The following GALNT10 variants were observed in gnomAD, a reference collection of about 807,000 sequenced individuals.
GALNT10 encodes polypeptide N-acetylgalactosaminyltransferase 10, also known as GalNAc transferase 10.
GALNT10 carries 41 observed loss-of-function variants against 75.0 expected under a neutral mutation model. The observed-to-expected ratio is 0.55, with a 90% CI of 0.43 to 0.71. The LOEUF is 0.71. GALNT10 is among the 30% of genes least tolerant of loss of function. The probability of loss-of-function intolerance (pLI) is 0.00; values close to 1 mark genes in which losing one functional copy is unlikely to be tolerated. For missense variants in GALNT10, 727 were observed against 818.5 expected, an observed-to-expected ratio of 0.89 and a Z score of 1.36; for synonymous variants, 302 against 313.0, an observed-to-expected ratio of 0.96 and a Z score of 0.37.
rs114482232 is a variant in GALNT10 at position 154,402,574 on chromosome 5, C to T, written c.1057-1530C>T. 3.4e-3 allele frequency among the ~76,000 whole-genome samples: 516 copies of T among 152,350 alleles called. 3 individuals are homozygous for T. Among genetic ancestry groups the T allele is most frequent in the African/African-American group, 0.012 (482 of 41,584 alleles). ...ACACAATACACAGTTATGATGGCAG[C>T]GCTTCCCTAGGCCAGGGATTTGGGA... On this transcript the variant is annotated intron_variant, in intron 7 of 11. Coordinates refer to ENST00000297107, the MANE Select transcript of GALNT10 (RefSeq NM_198321.4). The surrounding 1 kb of genome is among the most constrained non-coding windows in gnomAD (Gnocchi z 4.2).
At chr5:154,287,846 C>T (rs1240191055) in intron 1 of GALNT10, among the ~76,000 whole-genome samples, 1 of 151,572 alleles carries the variant, frequency 6.6e-6, no homozygotes, top group African/African-American at 2.4e-5. Flanking sequence ...TAAATTAAGC[C>T]CTACCTGGTC....
intron 2 of GALNT10, among the ~76,000 whole-genome samples, chr5:154,297,631 G>A (rs948259089): frequency 1.2e-4 from 18 of 152,180 alleles, no homozygotes; most frequent in Admixed American, 9.2e-4. Context: ...AGTGAGGGGA[G>A]CATGGGTTTT....
intron 3 of GALNT10, among the ~76,000 whole-genome samples, chr5:154,316,257 C>T (rs886810885): frequency 3.9e-5 from 6 of 152,226 alleles, no homozygotes; most frequent in Non-Finnish European, 7.3e-5. Context: ...TTGTTATTTA[C>T]ATCCAGGGTC....
intron 1 of GALNT10, among the ~76,000 whole-genome samples, chr5:154,293,752 T>C (rs917613003): frequency 6.6e-6 from 1 of 151,954 alleles, no homozygotes; most frequent in African/African-American, 2.4e-5. Flanking sequence ...CTTGCGGCAC[T>C]CCTTCTCCTT....
chr5:154,317,371 C>T (rs1404993862), intron 3 of GALNT10, among the ~76,000 whole-genome samples: 1 of 152,046 alleles, frequency 6.6e-6, no homozygotes, highest in Non-Finnish European at 1.5e-5. Context: ...TTCTAGTGCT[C>T]CAGCATTAAG....
intron 4 of GALNT10, among the ~76,000 whole-genome samples, chr5:154,332,295 T>C (rs562858048): frequency 6.6e-6 from 1 of 152,292 alleles, no homozygotes; most frequent in South Asian, 2.1e-4. Context: ...CTTGTTGTAC[T>C]CCTTCTCAGG....
Position 154,245,843 on chromosome 5 carries a change from A to G in GALNT10, c.160-48973A>G, listed in dbSNP as rs1330757654. 2.0e-5 allele frequency among the ~76,000 whole-genome samples: 3 copies of G among 149,450 alleles called. No homozygotes were observed. The East Asian group carries it at 5.9e-4, about 29-fold the overall frequency. On this transcript the variant is annotated intron_variant, in intron 1 of 11. Transcript: ENST00000297107. ...TTTTTTTTACTTTAAGTTTTAGGGT[A>G]CATGTGCACAACGTGCAGGTTTGTT...
At chr5:154,356,365 G>A (rs1005239034) in intron 4 of GALNT10, 7 of 362,916 alleles carry the variant, frequency 1.9e-5, no homozygotes, top group African/African-American at 1.5e-4. Context: ...AGGGTACTGT[G>A]AGGGCTGGGG....
intron 1 of GALNT10, among the ~76,000 whole-genome samples, chr5:154,293,077 G>A (rs996119659): frequency 6.6e-6 from 1 of 152,156 alleles, no homozygotes; most frequent in African/African-American, 2.4e-5. Flanking sequence ...ACAAAGGATT[G>A]TTATTATTAC....
At chr5:154,321,215 C>A (rs776585050) in intron 3 of GALNT10, among the ~76,000 whole-genome samples, 12 of 152,152 alleles carry the variant, frequency 7.9e-5, no homozygotes, top group Non-Finnish European at 1.5e-4. Flanking sequence ...TGACTCCTGC[C>A]CATTTTGACA....
Position 154,317,999 on chromosome 5 carries a change from T to C in GALNT10, c.402-11573T>C, listed in dbSNP as rs548844583. On this transcript the variant is annotated intron_variant, in intron 3 of 11. Transcript: ENST00000297107. ...ATCTCAACAGAAAAGAACTTGCGTC[T>C]TTCCCAGTTGTCTCAGCAAAGACTT... is the stretch of plus-strand genomic sequence containing the variant. 2.6e-5 allele frequency among the ~76,000 whole-genome samples: 4 copies of C among 152,362 alleles called. No homozygotes were observed. In the East Asian group the frequency reaches 5.8e-4, roughly 22 times the overall value.
intron 1 of GALNT10, among the ~76,000 whole-genome samples, chr5:154,266,571 A>AT (rs1358965871): frequency 1.1e-5 from 1 of 87,916 alleles, no homozygotes; most frequent in Non-Finnish European, 2.5e-5. Flanking sequence ...AAAGACTATC[A>AT]TTAAAAAAAA....
intron 1 of GALNT10, among the ~76,000 whole-genome samples, chr5:154,260,064 A>G (rs1753680017): frequency 6.6e-6 from 1 of 152,208 alleles, no homozygotes; most frequent in South Asian, 2.1e-4. Context: ...TTTGGAGGGA[A>G]ATACACTTGT....
chr5:154,216,474 A>G (rs1037660492), intron 1 of GALNT10, among the ~76,000 whole-genome samples: 2 of 152,200 alleles, frequency 1.3e-5, no homozygotes, highest in Non-Finnish European at 2.9e-5. Context: ...CAAACAGAAA[A>G]CTATACTTTG....
chr5:154,365,253 C>G (rs1001170374), intron 4 of GALNT10, among the ~76,000 whole-genome samples: 13 of 152,274 alleles, frequency 8.5e-5, no homozygotes, highest in Middle Eastern at 3.4e-3. Context: ...AAGGCATGTT[C>G]AGGCCAAATA....
intron 1 of GALNT10, among the ~76,000 whole-genome samples, chr5:154,191,431 T>C (rs1213977556): frequency 6.0e-3 from 329 of 54,798 alleles, no homozygotes; most frequent in African/African-American, 0.011. Flanking sequence ...GCTTCCCTCC[T>C]CCCACCCCCC....
At chr5:154,378,688 G>C (rs1292353446) in intron 5 of GALNT10, among the ~76,000 whole-genome samples, 2 of 152,292 alleles carry the variant, frequency 1.3e-5, no homozygotes, top group East Asian at 3.9e-4. Flanking sequence ...ACATCAGATA[G>C]TCTTATCGAA....
chr5:154,383,745 C>G (rs2113182096), intron 6 of GALNT10, among the ~76,000 whole-genome samples: 1 of 152,180 alleles, frequency 6.6e-6, no homozygotes, highest in African/African-American at 2.4e-5. Context: ...ATTTGTGGCT[C>G]CAGCCAAAAA....
intron 1 of GALNT10, among the ~76,000 whole-genome samples, chr5:154,268,235 C>A (rs1753806160): frequency 1.3e-5 from 2 of 152,184 alleles, no homozygotes. Flanking sequence ...CCCATGACGT[C>A]ATTTCAAATA....
Sources: allele counts gnomAD v4.1 joint callset (sites outside exome capture counted in the v4.1 genomes callset), GRCh38; gene constraint gnomAD v4.1.1; non-coding constraint Gnocchi (gnomAD v3.1); transcripts MANE v1.5; gene names NCBI Gene and HGNC (gene_info 2026-07-23, HGNC 2026-07-21).